The following MAST4 variants were observed in gnomAD, a reference collection of about 807,000 sequenced individuals.
The protein encoded by MAST4 is microtubule-associated serine/threonine-protein kinase 4.
MAST4 carries 89 observed loss-of-function variants against 162.7 expected under a neutral mutation model. The ratio of observed to expected loss-of-function variants is 0.55; its 90% CI spans 0.46 to 0.65. MAST4 has a LOEUF of 0.65. MAST4 is among the 30% of genes least tolerant of loss of function. MAST4 has a pLI of 0.00. For synonymous variants in MAST4, 1,479 were observed against 1,361.1 expected, an observed-to-expected ratio of 1.09 and a Z score of -1.91; for missense variants, 3,153 against 3,374.0, an observed-to-expected ratio of 0.93 and a Z score of 1.62.
chr5:67,010,263 A>T (rs558232029), intron 4 of MAST4, among the ~76,000 whole-genome samples: 1 of 152,224 alleles, frequency 6.6e-6, no homozygotes, highest in Non-Finnish European at 1.5e-5. Context: ...AACTAAGTCA[A>T]TTGCCAATGT....
chr5:66,979,456 T>C (rs16896085), intron 4 of MAST4, among the ~76,000 whole-genome samples: 15,701 of 152,214 alleles, frequency 0.1, 2,662 homozygotes, highest in African/African-American at 0.35. Context: ...TTCAGTTAAC[T>C]AGGGAGTAAG....
intron 1 of MAST4, among the ~76,000 whole-genome samples, chr5:66,692,303 C>T (rs996900157): frequency 3.3e-5 from 5 of 152,192 alleles, no homozygotes; most frequent in South Asian, 2.1e-4. Flanking sequence ...TTATTCTTTT[C>T]GTTGCTTTTC....
At chr5:66,926,177 T>C (rs1194947530) in intron 4 of MAST4, among the ~76,000 whole-genome samples, 2 of 152,330 alleles carry the variant, frequency 1.3e-5, no homozygotes, top group East Asian at 3.9e-4. Flanking sequence ...GTCTGTCTTA[T>C]GTCACAGCCT....
At chr5:66,950,648 A>G (rs1048719911) in intron 4 of MAST4, among the ~76,000 whole-genome samples, 10 of 152,140 alleles carry the variant, frequency 6.6e-5, no homozygotes, top group African/African-American at 9.6e-5. Flanking sequence ...ATAATATTCT[A>G]TTGTATGGGT....
intron 26 of MAST4, among the ~76,000 whole-genome samples, chr5:67,157,548 TGC>T (rs1772684246): frequency 6.6e-6 from 1 of 152,248 alleles, no homozygotes; most frequent in African/African-American, 2.4e-5. Flanking sequence ...ACTTTTACCA[TGC>T]CACGTGTCAA....
chr5:67,007,770 T>A (rs1400342494), intron 4 of MAST4, among the ~76,000 whole-genome samples: 1 of 152,190 alleles, frequency 6.6e-6, no homozygotes, highest in Non-Finnish European at 1.5e-5. Context: ...TGCCTTATAG[T>A]TCAATGTGAT....
At chr5:66,885,563 G>T (rs1680571556) in intron 3 of MAST4, among the ~76,000 whole-genome samples, 1 of 152,188 alleles carries the variant, frequency 6.6e-6, no homozygotes, top group Admixed American at 6.5e-5. Flanking sequence ...ACCCAGCTTT[G>T]TAAGAAGTTT....
At chr5:66,924,588 G>A (rs1764759488) in intron 4 of MAST4, among the ~76,000 whole-genome samples, 1 of 152,070 alleles carries the variant, frequency 6.6e-6, no homozygotes, top group Non-Finnish European at 1.5e-5. Context: ...TGTATTTTTA[G>A]TAGAGATGGG....
chr5:66,960,692 TATC>T (rs1271307879), intron 4 of MAST4, among the ~76,000 whole-genome samples: 1 of 152,252 alleles, frequency 6.6e-6, no homozygotes, highest in Admixed American at 6.5e-5. Context: ...ACTTAGTAGA[TATC>T]ATTTCACATT....
At chr5:66,619,442 A>G (rs1743933457) in intron 1 of MAST4, among the ~76,000 whole-genome samples, 1 of 152,188 alleles carries the variant, frequency 6.6e-6, no homozygotes, top group Admixed American at 6.5e-5. Context: ...ATCCTGTGGA[A>G]TTTTGTTGAG....
At chr5:66,716,477 C>G (rs1169535279) in intron 1 of MAST4, among the ~76,000 whole-genome samples, 1 of 151,706 alleles carries the variant, frequency 6.6e-6, no homozygotes, top group African/African-American at 2.4e-5. Flanking sequence ...TCCCGAGTAG[C>G]TGGGACTACA....
At chr5:67,021,245 C>A (rs887809888) in intron 4 of MAST4, among the ~76,000 whole-genome samples, 4 of 152,102 alleles carry the variant, frequency 2.6e-5, no homozygotes, top group Admixed American at 6.6e-5. Context: ...ATCTTCATGG[C>A]CCCCACACCC....
At chr5:67,094,118 TAACATAC>T in intron 6 of MAST4, 1 of 1,384,154 alleles carries the variant, frequency 7.2e-7, no homozygotes. Flanking sequence ...TTCTTTTTTT[TAACATAC>T]TTGATTCATT....
At chr5:67,116,640 A>C (rs1358300078) in intron 12 of MAST4, among the ~76,000 whole-genome samples, 1 of 150,780 alleles carries the variant, frequency 6.6e-6, no homozygotes, top group African/African-American at 2.4e-5. Flanking sequence ...ACATGGTGAA[A>C]CCTTATCTCT....
In MAST4 at chr5:67,163,687, G is replaced by T; in HGVS notation, c.4508G>T (p.Arg1503Leu). Residue 1503 changes from arginine to leucine, a missense_variant, in exon 29 of 29, where the codon CGG becomes CTG. Physicochemically the swap from Arg to Leu is moderately radical, Grantham distance 102 (BLOSUM62 -2). This residue lies in a region of MAST4 where 1,644 missense variants were observed against 1,495.0 expected (regional missense o/e 1.10). Transcript: ENST00000403625. This position sits in a 1 kb window ranked among gnomAD's most constrained non-coding sequence, Gnocchi z 7.0. ...GACGTGCCGCCGCTCAGCCGCGCCC[G>T]GCCAGTGGAGCAAGGCTGCCTGAAA... is the stretch of plus-strand genomic sequence containing the variant. Reference protein sequence around the residue: ...VCDVPPLSRARPVEQGCLKRP... With the variant: ...VCDVPPLSRALPVEQGCLKRP... 6.2e-7 allele frequency: 1 copy of T among 1,609,134 alleles called. No homozygotes were observed. The highest frequency in any genetic ancestry group is 1.3e-5 in the African/African-American group (1 of 74,984).
chr5:67,123,816 G>A (rs533006495), intron 14 of MAST4, among the ~76,000 whole-genome samples: 1 of 152,118 alleles, frequency 6.6e-6, no homozygotes, highest in Non-Finnish European at 1.5e-5. Context: ...TTCTAATCTT[G>A]ATGCACATGA....
intron 5 of MAST4, among the ~76,000 whole-genome samples, chr5:67,069,312 A>ATATATATATATATATATAT (rs1561606003): frequency 9.9e-4 from 133 of 133,870 alleles, no homozygotes; most frequent in African/African-American, 2.5e-3. Flanking sequence ...ATATATATAT[A>ATATATATATATATATATAT]AAATTTTAAA....
chr5:66,996,189 G>T (rs952163724), intron 4 of MAST4, among the ~76,000 whole-genome samples: 1 of 152,126 alleles, frequency 6.6e-6, no homozygotes, highest in Non-Finnish European at 1.5e-5. Flanking sequence ...TGAGGCAGGA[G>T]AGTTGCTTGA....
At chr5:67,127,574 G>A (rs191275585) in intron 14 of MAST4, among the ~76,000 whole-genome samples, 1 of 152,168 alleles carries the variant, frequency 6.6e-6, no homozygotes, top group Non-Finnish European at 1.5e-5. Context: ...TTGCATCCCG[G>A]GGATGAAGCT....
Sources: gnomAD v4.1 joint callset for allele counts (sites outside exome capture counted in the v4.1 genomes callset) on GRCh38, gnomAD v4.1.1 for gene constraint, gnomAD v4.1.1 regional missense constraint, Gnocchi (gnomAD v3.1) non-coding constraint, MANE v1.5 for transcripts, NCBI Gene and HGNC (gene_info 2026-07-23, HGNC 2026-07-21) for gene names.